Variants in USP7 observed in about 807,000 individuals in gnomAD.
USP7 encodes ubiquitin specific peptidase 7.
Under a neutral mutation model 162.9 loss-of-function variants are expected in USP7, and 9 were observed. That is an observed-to-expected ratio of 0.06 (90% confidence interval 0.03 to 0.10). The LOEUF is 0.10. Ranked by LOEUF, USP7 falls within the 10% of genes least tolerant of loss-of-function variation. The pLI, the probability that USP7 is intolerant of heterozygous loss-of-function variation, is 1.00. For synonymous variants in USP7, 562 were observed against 475.9 expected (o/e 1.18, Z -2.35); for missense variants, 715 against 1,373.7 (o/e 0.52, Z 7.58).
At chr16:8,916,321 T>C (rs763097638) in intron 8 of USP7, among the ~76,000 whole-genome samples, 181 bp downstream of exon 8, 2 of 152,220 alleles carry the variant, frequency 1.3e-5, no homozygotes, top group Non-Finnish European at 2.9e-5. Flanking sequence ...CAAATCCCTA[T>C]TCAAGTAATT....
At chr16:8,937,206 CT>C (rs56011329) in intron 1 of USP7, among the ~76,000 whole-genome samples, 132,300 of 149,384 alleles carry the variant, frequency 0.89, 58,535 homozygotes, top group South Asian at 0.95. Context: ...GAGACTCTGT[CT>C]TTTTTTAAAA....
In USP7 at chr16:8,893,372, T is replaced by G. The variant is rs1003607905; in HGVS notation, c.*626A>C. The G allele has an allele frequency of 1.6e-4, 25 of 153,526 alleles. No individual in the cohort carries two copies. The highest frequency in any genetic ancestry group is 6.0e-4 in the African/African-American group (25 of 41,580). 9.5% of individuals were successfully genotyped at this position (153,526 alleles called of 1,614,324 possible). On this transcript the variant is annotated 3_prime_UTR_variant, in exon 31 of 31. Transcript: ENST00000344836. ...CAATGTCTGTCCGGACTGTATTCAG[T>G]GCATCCACTTTGCAAAGGGGCTGCA...
chr16:8,916,355 ATCTGC>A (rs1267572381), intron 8 of USP7, 142 bp downstream of exon 8: 2 of 761,966 alleles, frequency 2.6e-6, no homozygotes, highest in Admixed American at 6.3e-5. Context: ...ATAACTAGAC[ATCTGC>A]TGCCTTTTTG....
At position 8,917,232 on chromosome 16, in the gene USP7, T is replaced by C. The variant is rs539367946; in HGVS notation, c.721-76A>G. 32 of 1,468,820 alleles carry C rather than the reference T, an allele frequency of 2.2e-5. No homozygotes were observed. The East Asian group carries it at 7.4e-4, about 34-fold the overall frequency. The allele number at this position is 1,468,820 out of a possible 1,614,324, so 91.0% of individuals were successfully genotyped here. On this transcript the variant is annotated intron_variant, in intron 6 of 30. Transcript: ENST00000344836. ...TTTAAAAAACAGTAAGAATTTAATC[T>C]TCATGTTTAAAAAAATCATTTCTAA...
intron 8 of USP7, 63 bp from the exon 9 acceptor site, chr16:8,915,588 T>C: frequency 7.3e-7 from 1 of 1,368,726 alleles, no homozygotes; most frequent in East Asian, 2.5e-5. Flanking sequence ...TACAGTAATT[T>C]TATAATTGAC....
chr16:8,956,465 T>C (rs918739201), intron 1 of USP7: 1 of 152,252 alleles, frequency 6.6e-6, no homozygotes, highest in Non-Finnish European at 1.5e-5. Context: ...TCAAGGGGCA[T>C]GCTAAGAACT....
intron 1 of USP7, among the ~76,000 whole-genome samples, chr16:8,936,315 C>T (rs937779600): frequency 1.3e-5 from 2 of 152,146 alleles, no homozygotes; most frequent in African/African-American, 2.4e-5. Context: ...CCGCCCCCAT[C>T]AGTTCACCTT....
At chr16:8,917,236 T>C (rs1596374565) in intron 6 of USP7, 80 bp from the exon 7 acceptor site, 5 of 1,461,062 alleles carry the variant, frequency 3.4e-6, no homozygotes, top group East Asian at 4.8e-5. Flanking sequence ...TTAATCTTCA[T>C]GTTTAAAAAA....
At chr16:8,900,034 C>A (rs531261876) in intron 21 of USP7, 2 of 522,630 alleles carry the variant, frequency 3.8e-6, no homozygotes, top group East Asian at 7.0e-5. Flanking sequence ...CTGCTCTCCT[C>A]TACAGGAGCA....
intron 4 of USP7, among the ~76,000 whole-genome samples, chr16:8,920,833 G>A (rs923735044): frequency 6.6e-6 from 1 of 152,160 alleles, no homozygotes; most frequent in Non-Finnish European, 1.5e-5. Context: ...AAAGTGAACT[G>A]AATGATTACT....
At chr16:8,901,869 C>A (rs538020536) in intron 18 of USP7, 1 of 576,476 alleles carries the variant, frequency 1.7e-6, no homozygotes, top group East Asian at 2.9e-5. Context: ...ACAGGACGGC[C>A]CCACGTGGCT....
chr16:8,951,339 A>T (rs1042854443), intron 1 of USP7, among the ~76,000 whole-genome samples: 8 of 6,228 alleles, frequency 1.3e-3, no homozygotes, highest in African/African-American at 2.6e-3. Flanking sequence ...GGTAGCCCTG[A>T]CCCAGTTTTC....
chr16:8,961,749 G>C (rs574510268), intron 1 of USP7, among the ~76,000 whole-genome samples: 21 of 152,126 alleles, frequency 1.4e-4, no homozygotes, highest in African/African-American at 4.6e-4. Context: ...TTTTAGATGG[G>C]CTGCAAAATA....
rs776670403 is a variant in USP7 at position 8,892,508 on chromosome 16, G to C, written c.*1490C>G. 4 of 151,556 alleles carry C rather than the reference G, an allele frequency of 2.6e-5. No individual in the cohort carries two copies. The highest frequency in any genetic ancestry group is 9.7e-5 in the African/African-American group (4 of 41,200). 9.4% of individuals were successfully genotyped at this position (151,556 alleles called of 1,614,324 possible). On this transcript the variant is annotated 3_prime_UTR_variant, in exon 31 of 31. Coordinates refer to ENST00000344836, the MANE Select transcript of USP7 (RefSeq NM_003470.3). ...AGCGCCTGCCGCCCCGAAGGGCCTC[G>C]TGACACATCAGGTCACATCTCCAGT...
At chr16:8,895,185 T>G (rs79003022) in intron 27 of USP7, 35 bp from the exon 28 acceptor site, 1 of 1,613,880 alleles carries the variant, frequency 6.2e-7, no homozygotes, top group Admixed American at 1.7e-5. Flanking sequence ...GTTCTGTAAG[T>G]GCAAGTGATG....
intron 14 of USP7, among the ~76,000 whole-genome samples, chr16:8,904,927 G>A (rs928913170): frequency 2.6e-5 from 4 of 152,074 alleles, no homozygotes; most frequent in Admixed American, 6.5e-5. Flanking sequence ...AGCCGAGATC[G>A]CGCCACTGCA....
intron 1 of USP7, chr16:8,949,502 G>C (rs778177018): frequency 2.0e-5 from 3 of 152,326 alleles, no homozygotes; most frequent in Non-Finnish European, 2.9e-5. Context: ...ACCCAGGACA[G>C]CCTGTGCTTC....
intron 13 of USP7, 85 bp downstream of exon 13, chr16:8,906,341 C>A: frequency 6.7e-7 from 1 of 1,493,074 alleles, no homozygotes; most frequent in Non-Finnish European, 9.0e-7. Context: ...TGACAAGGTT[C>A]CGAGTAGGAA....
intron 1 of USP7, among the ~76,000 whole-genome samples, chr16:8,941,195 C>T (rs1007055605): frequency 6.6e-6 from 1 of 152,194 alleles, no homozygotes; most frequent in Non-Finnish European, 1.5e-5. Context: ...GCCCTCTGTG[C>T]CTGACTGGAT....
Sources: gnomAD v4.1 joint callset for allele counts (sites outside exome capture counted in the v4.1 genomes callset) on GRCh38, gnomAD v4.1.1 for gene constraint, MANE v1.5 for transcripts, NCBI Gene and HGNC (gene_info 2026-07-23, HGNC 2026-07-21) for gene names.